Variants in KCNT2 observed in about 807,000 individuals in gnomAD.
The protein encoded by KCNT2 is potassium sodium-activated channel subfamily T member 2.
In KCNT2, 67 loss-of-function variants were observed where a neutral mutation model predicts 153.8. The ratio of observed to expected loss-of-function variants is 0.44; its 90% CI spans 0.36 to 0.53. The LOEUF (loss-of-function observed/expected upper bound fraction) is 0.53, where lower values mean the gene tolerates loss of function less well. Among genes scored for constraint, KCNT2 ranks in the 20% least tolerant of loss-of-function variants. KCNT2 has a pLI of 0.00. For missense variants in KCNT2, 975 were observed against 1,354.8 expected, an observed-to-expected ratio of 0.72 and a Z score of 4.40; for synonymous variants, 500 against 458.8, an observed-to-expected ratio of 1.09 and a Z score of -1.15.
chr1:196,272,447 T>A (rs955352365), intron 25 of KCNT2, among the ~76,000 whole-genome samples: 22 of 151,898 alleles, frequency 1.4e-4, no homozygotes, highest in Admixed American at 3.9e-4. Flanking sequence ...TTTTTGCTTA[T>A]GTATCTTAAG....
intron 19 of KCNT2, among the ~76,000 whole-genome samples, chr1:196,326,108 C>G (rs1469644595): frequency 2.6e-5 from 4 of 152,072 alleles, no homozygotes; most frequent in Non-Finnish European, 5.9e-5. Context: ...CTTTGACTGT[C>G]TCATTCAGTG....
intron 12 of KCNT2, among the ~76,000 whole-genome samples, chr1:196,413,971 A>T (rs917208418): frequency 3.3e-5 from 5 of 151,668 alleles, no homozygotes; most frequent in African/African-American, 1.2e-4. Context: ...CAACAAAATA[A>T]CTTATTCAGT....
chr1:196,508,443 C>G (rs1461456214), intron 1 of KCNT2, among the ~76,000 whole-genome samples: 1 of 151,986 alleles, frequency 6.6e-6, no homozygotes, highest in African/African-American at 2.4e-5. Context: ...AATAACTTCA[C>G]TAATGGGCTC....
intron 1 of KCNT2, among the ~76,000 whole-genome samples, chr1:196,586,557 A>G (rs1280808536): frequency 1.3e-5 from 2 of 152,076 alleles, no homozygotes; most frequent in Non-Finnish European, 2.9e-5. Flanking sequence ...TAATAAGAGT[A>G]CCTGATTTAT....
At chr1:196,271,269 G>T (rs897001286) in intron 25 of KCNT2, among the ~76,000 whole-genome samples, 5 of 151,972 alleles carry the variant, frequency 3.3e-5, no homozygotes, top group African/African-American at 9.7e-5. Flanking sequence ...TACAGATCAT[G>T]ACTTCCTTAT....
chr1:196,581,557 T>A (rs1662049026), intron 1 of KCNT2, among the ~76,000 whole-genome samples: 1 of 152,010 alleles, frequency 6.6e-6, no homozygotes, highest in Non-Finnish European at 1.5e-5. Context: ...TATAATGAAG[T>A]TAACACAATA....
At chr1:196,431,540 T>C (rs1265256939) in intron 8 of KCNT2, among the ~76,000 whole-genome samples, 3 of 152,058 alleles carry the variant, frequency 2.0e-5, no homozygotes, top group East Asian at 1.9e-4. Flanking sequence ...ATGAAGACTA[T>C]CTAATTGGAA....
intron 8 of KCNT2, among the ~76,000 whole-genome samples, chr1:196,454,949 C>T (rs1676528214): frequency 6.6e-6 from 1 of 151,976 alleles, no homozygotes; most frequent in African/African-American, 2.4e-5. Context: ...ATGTTGTATG[C>T]AGTTCAGTTC....
chr1:196,511,661 G>A (rs992031401), intron 1 of KCNT2, among the ~76,000 whole-genome samples: 6 of 152,068 alleles, frequency 3.9e-5, no homozygotes, highest in African/African-American at 1.2e-4. Flanking sequence ...TTTTCTTGAG[G>A]CACCTCTCCT....
At chr1:196,603,419 G>A (rs1664972344) in intron 1 of KCNT2, among the ~76,000 whole-genome samples, 1 of 152,042 alleles carries the variant, frequency 6.6e-6, no homozygotes, top group East Asian at 1.9e-4. Flanking sequence ...TGGAGATAAA[G>A]TTAGTAATTT....
intron 13 of KCNT2, among the ~76,000 whole-genome samples, chr1:196,383,341 G>C (rs1465811968): frequency 6.6e-6 from 1 of 152,168 alleles, no homozygotes; most frequent in Non-Finnish European, 1.5e-5. Flanking sequence ...GTTTTCCAAA[G>C]AGACAGTCCA....
Position 196,336,724 on chromosome 1 carries a change from T to G in KCNT2, c.1784-2664A>C, listed in dbSNP as rs575992527. Reference sequence around the variant, plus strand: ...AACAATGATCATTGCATTGCTAAAGTCAATTGACACTTCTCAGTCCTTATG... The same window carrying G: ...AACAATGATCATTGCATTGCTAAAGGCAATTGACACTTCTCAGTCCTTATG... On this transcript the variant is annotated intron_variant, in intron 16 of 27. Coordinates refer to ENST00000294725, the MANE Select transcript of KCNT2 (RefSeq NM_198503.5). Among the ~76,000 whole-genome samples the G allele has an allele frequency of 2.6e-5, 4 of 152,300 alleles. No individual in the cohort carries two copies. The East Asian group carries it at 7.8e-4, about 30-fold the overall frequency.
At chr1:196,400,637 A>T (rs1372263521) in intron 12 of KCNT2, among the ~76,000 whole-genome samples, 1 of 151,818 alleles carries the variant, frequency 6.6e-6, no homozygotes, top group Non-Finnish European at 1.5e-5. Flanking sequence ...ACAAAAATGA[A>T]TTTCTTAGGA....
At chr1:196,310,875 C>T (rs1462602863) in intron 21 of KCNT2, among the ~76,000 whole-genome samples, 1 of 151,790 alleles carries the variant, frequency 6.6e-6, no homozygotes, top group African/African-American at 2.4e-5. Context: ...TATGAACATA[C>T]TTTACAAAGC....
chr1:196,425,015 T>C (rs1673531647), intron 11 of KCNT2, among the ~76,000 whole-genome samples: 2 of 151,964 alleles, frequency 1.3e-5, no homozygotes, highest in African/African-American at 4.8e-5. Context: ...GGGAGACTTT[T>C]AAATCTAGAA....
At chr1:196,573,190 G>A (rs960974348) in intron 1 of KCNT2, among the ~76,000 whole-genome samples, 16 of 152,012 alleles carry the variant, frequency 1.1e-4, no homozygotes, top group African/African-American at 3.9e-4. Flanking sequence ...TGAGAGTTAT[G>A]GCTATTTTTA....
chr1:196,308,654 G>A (rs1427158667), intron 21 of KCNT2, among the ~76,000 whole-genome samples: 3 of 151,904 alleles, frequency 2.0e-5, no homozygotes, highest in Non-Finnish European at 4.4e-5. Context: ...TATAGATGAG[G>A]AAACTGAGGA....
intron 18 of KCNT2, among the ~76,000 whole-genome samples, chr1:196,330,937 C>T (rs1476746714): frequency 6.6e-6 from 1 of 151,772 alleles, no homozygotes; most frequent in Non-Finnish European, 1.5e-5. Flanking sequence ...CTAGCAGATC[C>T]AGTAGGCTAA....
At chr1:196,356,539 A>T (rs1204933828) in intron 14 of KCNT2, among the ~76,000 whole-genome samples, 3 of 151,828 alleles carry the variant, frequency 2.0e-5, no homozygotes, top group Admixed American at 2.0e-4. Flanking sequence ...CATGCTTCCA[A>T]ATCCTGAGCT....
Sources: gnomAD v4.1 joint callset for allele counts (sites outside exome capture counted in the v4.1 genomes callset) on GRCh38, gnomAD v4.1.1 for gene constraint, MANE v1.5 for transcripts, NCBI Gene and HGNC (gene_info 2026-07-23, HGNC 2026-07-21) for gene names.